LTF: variants seen among roughly 807,000 people sequenced by gnomAD.
LTF encodes lactotransferrin, also known as epididymis luminal protein 110.
Under a neutral mutation model 87.2 loss-of-function variants are expected in LTF, and 91 were observed. That is an observed-to-expected ratio of 1.04 (90% CI 0.88 to 1.24). The LOEUF (loss-of-function observed/expected upper bound fraction) is 1.24, where lower values mean the gene tolerates loss of function less well. LTF is among the 50% of genes most tolerant of loss of function. The pLI is 0.00. For synonymous variants in LTF, 378 were observed against 356.1 expected, an observed-to-expected ratio of 1.06 and a Z score of -0.69; for missense variants, 901 against 904.3, an observed-to-expected ratio of 1.00 and a Z score of 0.05.
At chr3:46,460,530 G>A in intron 1 of LTF, 1 of 453,924 alleles carries the variant, frequency 2.2e-6, no homozygotes, top group Non-Finnish European at 4.4e-6. Flanking sequence ...TCAAATCCAT[G>A]TAATTAGGGA....
In LTF at chr3:46,448,846, G is replaced by T. The variant is rs1226019323; in HGVS notation, c.1212+17C>A. ...TCCACCGGGCCCACCGCCCGCCCCT[G>T]TGATGGAGCTCCCTACCAGCACCAG... On this transcript the variant is annotated intron_variant, in intron 9 of 16. Transcript: ENST00000231751. 6.2e-7 allele frequency: 1 copy of T among 1,610,882 alleles called. No individual in the cohort carries two copies. The highest frequency in any genetic ancestry group is 2.2e-5 in the East Asian group (1 of 44,738).
chr3:46,464,130 G>A (rs1703153945), intron 1 of LTF, among the ~76,000 whole-genome samples: 1 of 152,188 alleles, frequency 6.6e-6, no homozygotes, highest in Non-Finnish European at 1.5e-5. Context: ...CACGCATTTA[G>A]GTCACTAATG....
chr3:46,469,109 G>T (rs1181214608), upstream of LTF, among the ~76,000 whole-genome samples: 1 of 152,220 alleles, frequency 6.6e-6, no homozygotes. Context: ...TGCTGTCAGT[G>T]ACTTTGTTTC....
rs951120866 is a variant in LTF, at chr3:46,458,088, G to A, written c.207+1568C>T. On this transcript the variant is annotated intron_variant, in intron 2 of 16. Coordinates refer to ENST00000231751, the MANE Select transcript of LTF (RefSeq NM_002343.6). ...TGTGAGCCACCACGCCCGGCCTTGA[G>A]TTATTCTTTTATAGAGTGTAAATAG... 2.0e-5 allele frequency among the ~76,000 whole-genome samples: 3 copies of A among 152,044 alleles called. No individual in the cohort carries two copies. The East Asian group carries it at 5.8e-4, about 29-fold the overall frequency.
chr3:46,441,435 A>T lies in LTF; in HGVS notation c.1704T>A (p.Thr568=). 1 of 1,613,850 alleles carries T rather than the reference A, an allele frequency of 6.2e-7. No homozygotes were observed. Among genetic ancestry groups the T allele is most frequent in the Non-Finnish European group, 8.5e-7 (1 of 1,179,878 alleles). Residue 568 remains threonine, a synonymous_variant, in exon 14 of 17, where the codon ACT becomes ACA. Transcript: ENST00000231751. Reference sequence around the variant, plus strand: ...ACCTACCATCAGTGTTCTGCAAGACAGTGACATCTTTCACAAATGCAACGT... The same window carrying T: ...ACCTACCATCAGTGTTCTGCAAGACTGTGACATCTTTCACAAATGCAACGT... ...AGDVAFVKDV[T]VLQNTDGNNN...
chr3:46,461,152 T>G (rs1703071018), intron 1 of LTF, among the ~76,000 whole-genome samples: 1 of 152,134 alleles, frequency 6.6e-6, no homozygotes, highest in South Asian at 2.1e-4. Context: ...AAACAGACAA[T>G]GACACATATC....
chr3:46,480,020 TG>T (rs1703412950), intron 1 of LTF, among the ~76,000 whole-genome samples: 1 of 152,066 alleles, frequency 6.6e-6, no homozygotes, highest in South Asian at 2.1e-4. Flanking sequence ...TTAACTGAGA[TG>T]GGGAAGACTG....
Position 46,449,889 on chromosome 3 carries a change from G to C in LTF, c.1022C>G (p.Ser341Cys). ...PRIDSGLYLG[S>C]GYFTAIQNLR... ...GTTCTGGATGGCAGTGAAGTAGCCG[G>C]AGCCAAGGTACAGCCCAGAATCTAT... The change falls in exon 8 of 17, where the codon TCC becomes TGC. Residue 341 changes from serine to cysteine, a missense_variant. Coordinates refer to ENST00000231751, the MANE Select transcript of LTF (RefSeq NM_002343.6). 1 of 1,614,104 alleles carries C rather than the reference G, an allele frequency of 6.2e-7. No homozygotes were observed.
At chr3:46,462,034 C>T (rs1160972053) in intron 1 of LTF, among the ~76,000 whole-genome samples, 2 of 152,298 alleles carry the variant, frequency 1.3e-5, no homozygotes, top group South Asian at 2.1e-4. Flanking sequence ...AGCTGCCATA[C>T]TCCCCCTTCA....
Position 46,456,333 on chromosome 3 carries a change from G to T in LTF, c.273C>A (p.Tyr91Ter), listed in dbSNP as rs746893394. ...GFIYEAGLAP[Y>*]KLRPVAAEVY... ...CTTCCGCCGCTACAGGTCGCAGTTT[G>T]TAGGGGGCCAGGCCTGCCTCGTATA... Residue 91 changes from tyrosine to a stop codon, truncating the protein, a stop_gained, in exon 3 of 17, where the codon TAC becomes TAA. Coordinates refer to ENST00000231751, the MANE Select transcript of LTF (RefSeq NM_002343.6). LOFTEE classifies it high-confidence loss of function. 3.1e-6 allele frequency: 5 copies of T among 1,614,048 alleles called. No homozygotes were observed. Among genetic ancestry groups the T allele is most frequent in the Non-Finnish European group, 4.2e-6 (5 of 1,180,038 alleles).
At chr3:46,448,835 C>G (rs769129602) in intron 9 of LTF, 28 bp downstream of exon 9, 1 of 1,607,658 alleles carries the variant, frequency 6.2e-7, no homozygotes. Context: ...CCGGGCCCAC[C>G]GCCCGCCCCT....
chr3:46,476,308 T>C (rs1257277692), intron 1 of LTF, among the ~76,000 whole-genome samples: 1 of 152,258 alleles, frequency 6.6e-6, no homozygotes, highest in Non-Finnish European at 1.5e-5. Flanking sequence ...CTATTTGCTG[T>C]TGGCTTTTTT....
chr3:46,467,581 G>A (rs1344330131), upstream of LTF, among the ~76,000 whole-genome samples: 2 of 152,036 alleles, frequency 1.3e-5, no homozygotes, highest in Admixed American at 1.3e-4. Flanking sequence ...CTGAGCACTA[G>A]GGACAACAAA....
chr3:46,441,551 G>T, intron 13 of LTF, 68 bp from the exon 14 acceptor site: 1 of 1,138,686 alleles, frequency 8.8e-7, no homozygotes, highest in Non-Finnish European at 1.3e-6. Flanking sequence ...ATAAATATTT[G>T]TAATATGCAT....
At chr3:46,456,215 C>G in intron 3 of LTF, 75 bp downstream of exon 3, 2 of 1,278,494 alleles carry the variant, frequency 1.6e-6, no homozygotes, top group Non-Finnish European at 2.3e-6. Flanking sequence ...CCACATGTTC[C>G]CCCAGTCTTA....
chr3:46,443,620 C>A (rs1409405125), intron 12 of LTF, 38 bp from the exon 13 acceptor site: 1 of 1,611,624 alleles, frequency 6.2e-7, no homozygotes, highest in South Asian at 1.1e-5. Context: ...CTCTTCAAAC[C>A]TGAGTCCACA....
chr3:46,481,858 T>C (rs531886483), intron 1 of LTF, among the ~76,000 whole-genome samples: 1 of 152,338 alleles, frequency 6.6e-6, no homozygotes, highest in East Asian at 1.9e-4. Context: ...GCCTAATGAC[T>C]AATGTGGGCT....
intron 14 of LTF, among the ~76,000 whole-genome samples, chr3:46,440,447 A>G (rs1702491425): frequency 6.6e-6 from 1 of 152,218 alleles, no homozygotes; most frequent in Admixed American, 6.5e-5. Flanking sequence ...CATCAATCTG[A>G]TCCCTGGAGA....
At chr3:46,464,930 C>T, upstream of LTF, 1 of 1,545,152 alleles carries the variant, frequency 6.5e-7, no homozygotes, top group Non-Finnish European at 8.9e-7. Context: ...CCCTGCGCCC[C>T]TTTATTCAGG....
Sources: allele counts gnomAD v4.1 joint callset (sites outside exome capture counted in the v4.1 genomes callset), GRCh38; gene constraint gnomAD v4.1.1; transcripts MANE v1.5; gene names NCBI Gene and HGNC (gene_info 2026-07-23, HGNC 2026-07-21).